TMX2: variants seen among roughly 807,000 people sequenced by gnomAD.
TMX2 encodes thioredoxin related transmembrane protein 2.
Under a neutral mutation model 33.4 loss-of-function variants are expected in TMX2, and 20 were observed. The ratio of observed to expected loss-of-function variants is 0.60; its 90% CI spans 0.42 to 0.87. The LOEUF (loss-of-function observed/expected upper bound fraction) is 0.87. TMX2 is among the 40% of genes least tolerant of loss of function. The pLI is 0.00. For synonymous variants in TMX2, 166 were observed against 140.7 expected, an observed-to-expected ratio of 1.18 and a Z score of -1.27; for missense variants, 340 against 370.7, an observed-to-expected ratio of 0.92 and a Z score of 0.68.
chr11:57,720,210 T>A (rs1947523288), intron 1 of TMX2, among the ~76,000 whole-genome samples: 1 of 151,400 alleles, frequency 6.6e-6, no homozygotes. Flanking sequence ...GCCCCAAAAG[T>A]CACTAATGGG....
Position 57,727,045 on chromosome 11 carries a change from T to G in TMX2, c.190-10563T>G, listed in dbSNP as rs369404750. Among the ~76,000 whole-genome samples the G allele has an allele frequency of 6.6e-5, 10 of 152,324 alleles. No homozygotes were observed. In the South Asian group the frequency reaches 1.2e-3, roughly 19 times the overall value. The stretch of plus-strand genomic sequence containing the variant: ...CCAAATCTTCACTGTCTTTATGATA[T>G]TTGTTATTATATTAGCATTAGGCAT... On this transcript the variant is annotated intron_variant, in intron 1 of 7. Coordinates refer to ENST00000278422, the MANE Select transcript of TMX2 (RefSeq NM_015959.4).
In TMX2 at chr11:57,740,461, A is replaced by G. The variant is rs1293288023; in HGVS notation, c.*216A>G. 1.9e-6 allele frequency: 1 copy of G among 523,362 alleles called. No individual in the cohort carries two copies. The highest frequency in any genetic ancestry group is 3.3e-6 in the Non-Finnish European group (1 of 304,952). 32.4% of individuals were successfully genotyped at this position (523,362 alleles called of 1,614,324 possible). ...GGCCAACTGTTTCACTGGAGCAAGA[A>G]AGAGATCTCATAGGACGGAGGGGGA... On this transcript the variant is annotated 3_prime_UTR_variant, in exon 8 of 8. Coordinates refer to ENST00000278422, the MANE Select transcript of TMX2 (RefSeq NM_015959.4).
chr11:57,715,259 G>T (rs1946896847), intron 1 of TMX2, among the ~76,000 whole-genome samples: 2 of 152,002 alleles, frequency 1.3e-5, no homozygotes, highest in African/African-American at 2.4e-5. Flanking sequence ...AAATTAGCTG[G>T]GTGTGGTGGT....
In TMX2 at chr11:57,737,977, C is replaced by G. The variant is rs764555653; in HGVS notation, c.315C>G (p.Phe105Leu). ...GTAAAGTGGCCAACACAATTCTTTT[C>G]TTCCGCTTGGATATTCGCATGGGCC... ...MFSKVANTIL[F>L]FRLDIRMGLL... Residue 105 changes from phenylalanine (F) to leucine (L), a missense_variant, in exon 3 of 8, where the codon TTC becomes TTG. Phe to Leu is a conservative substitution (Grantham distance 22). Transcript: ENST00000278422. 6.2e-7 allele frequency: 1 copy of G among 1,613,960 alleles called. No homozygotes were observed.
intron 1 of TMX2, among the ~76,000 whole-genome samples, chr11:57,715,402 A>T (rs1946907811): frequency 6.6e-6 from 1 of 151,400 alleles, no homozygotes; most frequent in Non-Finnish European, 1.5e-5. Context: ...GTTCTGTCTC[A>T]AAATAAATAA....
At chr11:57,728,544 C>G (rs1590944704) in intron 1 of TMX2, among the ~76,000 whole-genome samples, 2 of 152,236 alleles carry the variant, frequency 1.3e-5, no homozygotes, top group South Asian at 4.1e-4. Context: ...AGCCCCGGAC[C>G]TCCCTTCAAG....
At chr11:57,718,298 A>AT (rs111732640) in intron 1 of TMX2, 378,290 of 1,539,402 alleles carry the variant, frequency 0.25, 59,595 homozygotes, top group East Asian at 0.79. Flanking sequence ...ATTTCTCCCC[A>AT]TAGATGGACT....
chr11:57,736,527 T>C (rs1948760444), intron 1 of TMX2, among the ~76,000 whole-genome samples: 1 of 152,024 alleles, frequency 6.6e-6, no homozygotes, highest in African/African-American at 2.4e-5. Context: ...TGAAAGCCCC[T>C]TTCAGCTCTC....
intron 1 of TMX2, among the ~76,000 whole-genome samples, chr11:57,719,646 A>C (rs1004455266): frequency 2.7e-5 from 4 of 147,620 alleles, no homozygotes; most frequent in African/African-American, 5.0e-5. Flanking sequence ...CCTTCTGAGT[A>C]GCTGGGATTA....
At chr11:57,738,081 C>G (rs751581657) in intron 3 of TMX2, 55 bp downstream of exon 3, 21 of 1,412,424 alleles carry the variant, frequency 1.5e-5, no homozygotes, top group African/African-American at 2.9e-5. Context: ...TGTTGATAGA[C>G]TTGATTGTGG....
rs955636223 is a variant in TMX2 at position 57,740,273 on chromosome 11, C to T, written c.*28C>T. The T allele has an allele frequency of 2.6e-6, 4 of 1,550,700 alleles. No homozygotes were observed. Among genetic ancestry groups the T allele is most frequent in the Non-Finnish European group, 3.5e-6 (4 of 1,152,546 alleles). On this transcript the variant is annotated 3_prime_UTR_variant, in exon 8 of 8. Transcript: ENST00000278422. ...TCCTCACTTTGGCAGTGCTTCCTCTCCTGTCAATTCCAGGCTCTTTCCATA... is the reference window on the plus strand; with the variant it reads ...TCCTCACTTTGGCAGTGCTTCCTCTTCTGTCAATTCCAGGCTCTTTCCATA...
intron 1 of TMX2, among the ~76,000 whole-genome samples, chr11:57,731,489 T>C (rs991611861): frequency 6.7e-6 from 1 of 148,908 alleles, no homozygotes; most frequent in African/African-American, 2.5e-5. Context: ...ATGTATTTGA[T>C]GTCTTATGCT....
Position 57,738,244 on chromosome 11 carries a change from T to C in TMX2, c.365-110T>C, listed in dbSNP as rs1175361952. 5.9e-6 allele frequency: 5 copies of C among 842,348 alleles called. No homozygotes were observed. The Admixed American group carries it at 8.3e-5, about 14-fold the overall frequency. 52.2% of individuals were successfully genotyped at this position (842,348 alleles called of 1,614,324 possible). ...AGGGAATGTGTTGGTGGTCTACATA[T>C]ATCCACAAGTGTGTATTATTTGGGG... On this transcript the variant is annotated intron_variant, in intron 3 of 7. Transcript: ENST00000278422.
At chr11:57,716,529 C>T (rs1199625773) in intron 1 of TMX2, among the ~76,000 whole-genome samples, 1 of 129,244 alleles carries the variant, frequency 7.7e-6, no homozygotes, top group Non-Finnish European at 1.7e-5. Flanking sequence ...GGCAGAGGCG[C>T]CCCTCACCTC....
At chr11:57,731,775 T>C (rs1222056246) in intron 1 of TMX2, among the ~76,000 whole-genome samples, 33 of 152,256 alleles carry the variant, frequency 2.2e-4, no homozygotes, top group Non-Finnish European at 1.9e-4. Flanking sequence ...GGTTTTTATT[T>C]TGGGGACCCA....
chr11:57,731,837 T>C (rs1403845970), intron 1 of TMX2, among the ~76,000 whole-genome samples: 1 of 152,182 alleles, frequency 6.6e-6, no homozygotes, highest in Non-Finnish European at 1.5e-5. Flanking sequence ...CACCCACCAG[T>C]CTGGAGGGCC....
Position 57,740,173 on chromosome 11 carries a change from T to C in TMX2, c.819T>C (p.Asn273=). 1 of 1,613,934 alleles carries C rather than the reference T, an allele frequency of 6.2e-7. No individual in the cohort carries two copies. The highest frequency in any genetic ancestry group is 8.5e-7 in the Non-Finnish European group (1 of 1,179,888). ...RAKKLSKAGD[N]IPEEQPVAST... ...AGAAACTATCAAAGGCTGGAGACAATATCCCTGAGGAGCAGCCTGTGGCTT... is the reference window on the plus strand; with the variant it reads ...AGAAACTATCAAAGGCTGGAGACAACATCCCTGAGGAGCAGCCTGTGGCTT... Residue 273 remains asparagine (N), a synonymous_variant, in exon 8 of 8, where the codon AAT becomes AAC. Transcript: ENST00000278422.
chr11:57,738,938 T>C, intron 5 of TMX2, 36 bp from the exon 6 acceptor site: 1 of 1,600,740 alleles, frequency 6.2e-7, no homozygotes, highest in Non-Finnish European at 8.6e-7. Flanking sequence ...GATCCATTAT[T>C]TTTTTTCAGC....
Position 57,719,514 on chromosome 11 carries a change from C to CTTTTTTTTTTTTTTT in TMX2, c.189+6717_189+6731dup, listed in dbSNP as rs1183104624. On this transcript the variant is annotated intron_variant, in intron 1 of 7. Coordinates refer to ENST00000278422, the MANE Select transcript of TMX2 (RefSeq NM_015959.4). ...AATGTAAAATTTCTTTTTTCTTTGTCTTTTTTTTTTTTTTTTTTTTTTTTG... is the reference window on the plus strand; with the variant it reads ...AATGTAAAATTTCTTTTTTCTTTGTCTTTTTTTTTTTTTTTTTTTTTTTTTTTTTTTTTTTTTTTG... 2.8e-3 allele frequency among the ~76,000 whole-genome samples: 194 copies of CTTTTTTTTTTTTTTT among 70,530 alleles called. 3 individuals are homozygous for CTTTTTTTTTTTTTTT. The highest frequency in any genetic ancestry group is 0.016 in the Middle Eastern group (1 of 62). The allele number at this position is 70,530 out of a possible 152,430, so 46.3% of individuals were successfully genotyped here.
Sources: gnomAD v4.1 joint callset for allele counts (sites outside exome capture counted in the v4.1 genomes callset) on GRCh38, gnomAD v4.1.1 for gene constraint, MANE v1.5 for transcripts, NCBI Gene and HGNC (gene_info 2026-07-23, HGNC 2026-07-21) for gene names.